Variants in PITRM1 observed in about 807,000 individuals in gnomAD.
The protein encoded by PITRM1 is presequence protease, mitochondrial.
Under a neutral mutation model 129.9 loss-of-function variants are expected in PITRM1, and 100 were observed. The ratio of observed to expected loss-of-function variants is 0.77; its 90% confidence interval spans 0.65 to 0.91. PITRM1 has a LOEUF of 0.91. Among genes scored for constraint, PITRM1 ranks in the 40% least tolerant of loss-of-function variants. The probability of loss-of-function intolerance (pLI) is 0.00; values close to 1 mark genes in which losing one functional copy is unlikely to be tolerated. For missense variants in PITRM1, 1,471 were observed against 1,318.3 expected (o/e 1.12, Z -1.79); for synonymous variants, 591 against 508.8 (o/e 1.16, Z -2.17).
chr10:3,144,076 C>A (rs1161252818), intron 22 of PITRM1: 2 of 592,448 alleles, frequency 3.4e-6, no homozygotes, highest in African/African-American at 3.7e-5. Flanking sequence ...CTCCTCGGCA[C>A]AGGAGGACAC....
At chr10:3,162,936 G>T (rs1420696876) in intron 7 of PITRM1, among the ~76,000 whole-genome samples, 2 of 152,058 alleles carry the variant, frequency 1.3e-5, no homozygotes, top group Non-Finnish European at 2.9e-5. Flanking sequence ...TTTTAAGAAA[G>T]TATGTTTTAT....
chr10:3,147,313 C>T, intron 19 of PITRM1, 63 bp from the exon 20 acceptor site: 2 of 1,232,520 alleles, frequency 1.6e-6, no homozygotes, highest in Non-Finnish European at 2.4e-6. Context: ...TGAGTCTGAA[C>T]CAAGCACCTG....
chr10:3,169,686 C>G (rs933443973), intron 2 of PITRM1, among the ~76,000 whole-genome samples: 1 of 152,212 alleles, frequency 6.6e-6, no homozygotes, highest in Non-Finnish European at 1.5e-5. Flanking sequence ...CTTTATCATT[C>G]TGAAACCCGA....
At chr10:3,154,319 C>T (rs762918498) in intron 14 of PITRM1, among the ~76,000 whole-genome samples, 18 of 152,188 alleles carry the variant, frequency 1.2e-4, no homozygotes, top group Non-Finnish European at 2.4e-4. Flanking sequence ...CTTGAAGGAA[C>T]GTTAGGAGCG....
intron 2 of PITRM1, among the ~76,000 whole-genome samples, chr10:3,169,729 T>C (rs1239799739): frequency 2.0e-5 from 3 of 152,200 alleles, no homozygotes; most frequent in Admixed American, 2.0e-4. Context: ...TCTGCGGACG[T>C]TTAGAGCAAG....
At position 3,145,590 on chromosome 10, in the gene PITRM1, G is replaced by GTGCA. The variant is rs1360600721; in HGVS notation, c.2457+5_2457+6insTGCA. 5.2e-6 allele frequency: 8 copies of GTGCA among 1,549,322 alleles called. No individual in the cohort carries two copies. Among genetic ancestry groups the GTGCA allele is most frequent in the Non-Finnish European group, 7.0e-6 (8 of 1,146,708 alleles). ...CTCACCGGGCGCCAGCACCACCAGT[G>GTGCA]CATACCTCGACCGTGTGTGGGCGCA... On this transcript the variant is annotated splice_donor_region_variant and intron_variant, in intron 21 of 26. Coordinates refer to ENST00000224949, the MANE Select transcript of PITRM1 (RefSeq NM_014889.4).
In PITRM1 at chr10:3,143,528, G is replaced by A. The variant is rs139381322; in HGVS notation, c.2533-27C>T. On this transcript the variant is annotated intron_variant, in intron 22 of 26. Transcript: ENST00000224949. ...TGAGGGACACGGTATGGTCAGAGGC[G>A]GCTGTGCTGCCATGCACCGCCCACG... 6.5e-3 allele frequency: 9,881 copies of A among 1,509,180 alleles called. 60 individuals are homozygous for A. The highest frequency in any genetic ancestry group is 0.019 in the Middle Eastern group (113 of 5,914). The allele number at this position is 1,509,180 out of a possible 1,614,324, so 93.5% of individuals were successfully genotyped here.
chr10:3,143,678 C>T (rs556004547), intron 22 of PITRM1, 177 bp from the exon 23 acceptor site: 6 of 711,204 alleles, frequency 8.4e-6, no homozygotes, highest in Middle Eastern at 2.3e-4. Flanking sequence ...GGTGCTGGGG[C>T]GCGAGAGCAA....
At chr10:3,165,778 ACTCT>A (rs1201287573) in intron 4 of PITRM1, among the ~76,000 whole-genome samples, 1 of 151,918 alleles carries the variant, frequency 6.6e-6, no homozygotes, top group Non-Finnish European at 1.5e-5. Flanking sequence ...GAATATCTAA[ACTCT>A]CTCAAGTTTC....
In PITRM1 at chr10:3,144,207, G is replaced by C. The variant is rs1002893732; in HGVS notation, c.2532+85C>G. The C allele has an allele frequency of 3.9e-6, 3 of 767,142 alleles. No individual in the cohort carries two copies. In the African/African-American group the frequency reaches 5.2e-5, roughly 13 times the overall value. The allele number at this position is 767,142 out of a possible 1,614,324, so 47.5% of individuals were successfully genotyped here. On this transcript the variant is annotated intron_variant, in intron 22 of 26. Transcript: ENST00000224949. ...CGCCAGCCCCACAGACAGGCGGACG[G>C]AGGAACATTCGAACATCAGTGGCAG...
rs1442467139 is a variant in PITRM1 at position 3,160,317 on chromosome 10, C to T, written c.805G>A (p.Gly269Ser). The change falls in exon 8 of 27, where the codon GGT (glycine) becomes AGT (serine). Residue 269 changes from glycine to serine, a missense_variant. By Grantham distance (56) the Gly-to-Ser change is moderately conservative. Coordinates refer to ENST00000224949, the MANE Select transcript of PITRM1 (RefSeq NM_014889.4). Reference sequence around the variant, plus strand: ...AGATGCTGTTCTAATGGAAAATTACCGTACGTGAAGAACCTAAAATTTTAA... The same window carrying T: ...AGATGCTGTTCTAATGGAAAATTACTGTACGTGAAGAACCTAAAATTTTAA... ...HPSNARFFTY[G>S]NFPLEQHLKQ... 6 of 1,611,590 alleles carry T rather than the reference C, an allele frequency of 3.7e-6. No individual in the cohort carries two copies. Among genetic ancestry groups the T allele is most frequent in the East Asian group, 4.5e-5 (2 of 44,884 alleles).
intron 14 of PITRM1, among the ~76,000 whole-genome samples, chr10:3,153,199 C>A (rs1841670563): frequency 6.6e-6 from 1 of 152,216 alleles, no homozygotes; most frequent in Admixed American, 6.5e-5. Flanking sequence ...AGTGTGAGCA[C>A]TGCTCATTAA....
In PITRM1 at chr10:3,143,407, G is replaced by A. The variant is rs35046873; in HGVS notation, c.2627C>T (p.Thr876Met). The change falls in exon 23 of 27, where the codon ACG becomes ATG. Residue 876 changes from threonine (T) to methionine (M), a missense_variant. Coordinates refer to ENST00000224949, the MANE Select transcript of PITRM1 (RefSeq NM_014889.4). ...CTCCTACCTGGCATGATCTGGGTCCGTGTAGGGGACAGTTCGGATGCATTC... is the reference window on the plus strand; with the variant it reads ...CTCCTACCTGGCATGATCTGGGTCCATGTAGGGGACAGTTCGGATGCATTC... ...VGECIRTVPYTDPDHASLKIL... is the reference protein window; with the variant it reads ...VGECIRTVPYMDPDHASLKIL... 1.9e-3 allele frequency: 3,018 copies of A among 1,609,438 alleles called. 58 individuals carry two copies. In the African/African-American group the frequency reaches 0.035, roughly 18 times the overall value.
In PITRM1 at chr10:3,162,121, G is replaced by A. The variant is rs994772722; in HGVS notation, c.791+1604C>T. 7.5e-5 allele frequency among the ~76,000 whole-genome samples: 11 copies of A among 146,412 alleles called. No homozygotes were observed. The Admixed American group carries it at 7.7e-4, about 10-fold the overall frequency. On this transcript the variant is annotated intron_variant, in intron 7 of 26. Transcript: ENST00000224949. ...TGCAGTAAGACAAGATCATGCCACT[G>A]TACTCCAGCCTGGGGGACAGAACCA...
At chr10:3,168,751 A>T (rs1843092826) in intron 2 of PITRM1, among the ~76,000 whole-genome samples, 1 of 152,186 alleles carries the variant, frequency 6.6e-6, no homozygotes, top group African/African-American at 2.4e-5. Flanking sequence ...CCAGCCATGC[A>T]GAACTGTGAG....
rs1163575096 is a variant in PITRM1 at position 3,137,729 on chromosome 10, T to A, written c.*302A>T. The A allele has an allele frequency of 2.4e-6, 1 of 415,340 alleles. No individual in the cohort carries two copies. The highest frequency in any genetic ancestry group is 5.9e-5 in the East Asian group (1 of 16,868). The allele number at this position is 415,340 out of a possible 1,614,324, so 25.7% of individuals were successfully genotyped here. A position where few individuals can be genotyped will look rare whatever the true frequency, so the allele number is the denominator to read the frequency against. ...TTAAAATAATGACTCAAGCAGAGGT[T>A]AAGTCAGAGTTGCCCTTTATTTTTA... On this transcript the variant is annotated 3_prime_UTR_variant, in exon 27 of 27. Transcript: ENST00000224949.
chr10:3,167,282 AGAGAGCGAGC>A (rs764922690), intron 2 of PITRM1, among the ~76,000 whole-genome samples: 16 of 79,324 alleles, frequency 2.0e-4, no homozygotes, highest in Non-Finnish European at 2.9e-4. Flanking sequence ...AGAAAGAGAG[AGAGAGCGAGC>A]GAGCGAGCGA....
Position 3,158,108 on chromosome 10 carries a change from T to A in PITRM1, c.1182A>T (p.Gln394His). 2 of 1,610,800 alleles carry A rather than the reference T, an allele frequency of 1.2e-6. No homozygotes were observed. Among genetic ancestry groups the A allele is most frequent in the South Asian group, 2.2e-5 (2 of 90,672 alleles). ...TREAYFSVGLQGIAEKDIETV... is the reference protein window; with the variant it reads ...TREAYFSVGLHGIAEKDIETV... ...TCTCAATGTCTTTCTCCGCAATCCC[T>A]TGGAGGCCGACACTAAAGTAGGCCT... Residue 394 changes from glutamine to histidine, a missense_variant, in exon 11 of 27, where the codon CAA (glutamine) becomes CAT (histidine). Coordinates refer to ENST00000224949, the MANE Select transcript of PITRM1 (RefSeq NM_014889.4).
At position 3,163,766 on chromosome 10, in the gene PITRM1, A is replaced by C; in HGVS notation, c.750T>G (p.Leu250=). 1 of 1,613,224 alleles carries C rather than the reference A, an allele frequency of 6.2e-7. No homozygotes were observed. Among genetic ancestry groups the C allele is most frequent in the Admixed American group, 1.7e-5 (1 of 59,868 alleles). ...GATAGTGAGTGGCATGAAACTGCTT[A>C]AGCTGCTCCCATGTAAGCTCCGGGA... ...LCIPELTWEQ[L]KQFHATHYHP... Residue 250 remains leucine (L), a synonymous_variant, in exon 7 of 27, where the codon CTT becomes CTG. Transcript: ENST00000224949.
Sources: gnomAD v4.1 joint callset for allele counts (sites outside exome capture counted in the v4.1 genomes callset) on GRCh38, gnomAD v4.1.1 for gene constraint, MANE v1.5 for transcripts, NCBI Gene and HGNC (gene_info 2026-07-23, HGNC 2026-07-21) for gene names.